The following JMJD1C variants were observed in gnomAD, a reference collection of about 807,000 sequenced individuals.
JMJD1C encodes the protein jumonji domain-containing protein 1C.
Under a neutral mutation model 245.3 loss-of-function variants are expected in JMJD1C, and 31 were observed. The observed-to-expected ratio is 0.13, with a 90% CI of 0.09 to 0.17. The LOEUF is 0.17. Among genes scored for constraint, JMJD1C ranks in the 10% least tolerant of loss-of-function variants. The pLI is 1.00. For synonymous variants in JMJD1C, 1,057 were observed against 1,017.4 expected (o/e 1.04, Z -0.74); for missense variants, 2,691 against 3,000.2 (o/e 0.90, Z 2.41).
intron 1 of JMJD1C, among the ~76,000 whole-genome samples, chr10:63,387,628 A>ATTTTTTTTTTTTTTTT (rs1564863555): frequency 1.6e-4 from 3 of 18,594 alleles, no homozygotes; most frequent in African/African-American, 3.1e-4. Flanking sequence ...AGAAAAAAAA[A>ATTTTTTTTTTTTTTTT]ATTTTTTTTT....
At chr10:63,490,345 A>G (rs964894554) in intron 1 of JMJD1C, among the ~76,000 whole-genome samples, 5 of 151,836 alleles carry the variant, frequency 3.3e-5, no homozygotes, top group Non-Finnish European at 5.9e-5. Flanking sequence ...GTGACTCCTC[A>G]GTTATTCTTT....
At position 63,465,903 on chromosome 10, in the gene JMJD1C, C is replaced by T; in HGVS notation, c.-241G>A. The T allele has an allele frequency of 1.6e-6, 1 of 644,794 alleles. No homozygotes were observed. Among genetic ancestry groups the T allele is most frequent in the Non-Finnish European group, 2.8e-6 (1 of 355,460 alleles). The allele number at this position is 644,794 out of a possible 1,614,324, so 39.9% of individuals were successfully genotyped here. On this transcript the variant is annotated 5_prime_UTR_variant, in exon 1 of 26. Transcript: ENST00000399262. ...TGTGCTGCAGCGCCACACAAGAAAACTGAAACAAAACCCAACGCGGCCGTC... is the reference window on the plus strand; with the variant it reads ...TGTGCTGCAGCGCCACACAAGAAAATTGAAACAAAACCCAACGCGGCCGTC...
intron 8 of JMJD1C, among the ~76,000 whole-genome samples, chr10:63,212,143 G>A (rs757782566): frequency 1.3e-5 from 2 of 152,142 alleles, no homozygotes; most frequent in Non-Finnish European, 2.9e-5. Context: ...AGAAACAGAA[G>A]AAAGGTGGTT....
chr10:63,300,355 A>T (rs1859937437), intron 2 of JMJD1C, among the ~76,000 whole-genome samples: 1 of 152,072 alleles, frequency 6.6e-6, no homozygotes, highest in Non-Finnish European at 1.5e-5. Flanking sequence ...AAGAAAGGGA[A>T]GCTATCTTTG....
At chr10:63,193,592 A>C (rs774192832) in intron 14 of JMJD1C, 120 bp from the exon 15 acceptor site, 1 of 597,120 alleles carries the variant, frequency 1.7e-6, no homozygotes, top group Non-Finnish European at 2.7e-6. Context: ...TGTGCCCTTT[A>C]AATTTCTTCC....
At chr10:63,339,419 G>A (rs1396820493) in intron 2 of JMJD1C, among the ~76,000 whole-genome samples, 1 of 152,074 alleles carries the variant, frequency 6.6e-6, no homozygotes, top group African/African-American at 2.4e-5. Context: ...AAATGGTGGA[G>A]GAATGAACAA....
chr10:63,220,173 T>TA (rs996668700), intron 3 of JMJD1C, among the ~76,000 whole-genome samples, 190 bp from the exon 4 acceptor site: 4 of 152,238 alleles, frequency 2.6e-5, no homozygotes, highest in Admixed American at 2.6e-4. Flanking sequence ...TAATCTGTGG[T>TA]AAGATTTGAC....
intron 1 of JMJD1C, among the ~76,000 whole-genome samples, chr10:63,430,295 TA>T (rs1950671931): frequency 6.6e-6 from 1 of 152,220 alleles, no homozygotes; most frequent in South Asian, 2.1e-4. Flanking sequence ...AATGGTTTCT[TA>T]GATGTGACAC....
intron 2 of JMJD1C, among the ~76,000 whole-genome samples, chr10:63,277,994 A>G (rs1321192240): frequency 6.6e-6 from 1 of 151,904 alleles, no homozygotes; most frequent in African/African-American, 2.4e-5. Context: ...CGACCTCCCA[A>G]AGTGCTGGGA....
chr10:63,222,786 C>T, intron 3 of JMJD1C: 6 of 1,464,882 alleles, frequency 4.1e-6, no homozygotes, highest in South Asian at 2.3e-5. Context: ...GTTTTGAAGT[C>T]AATTCCTAGT....
intron 3 of JMJD1C, among the ~76,000 whole-genome samples, chr10:63,224,108 A>G (rs1053275273): frequency 1.3e-5 from 2 of 152,188 alleles, no homozygotes; most frequent in Non-Finnish European, 2.9e-5. Context: ...ATTAAACAAT[A>G]TACAAATATT....
At chr10:63,342,308 C>T (rs1017295068) in intron 2 of JMJD1C, among the ~76,000 whole-genome samples, 17 of 152,168 alleles carry the variant, frequency 1.1e-4, no homozygotes, top group East Asian at 3.9e-4. Context: ...GATGGGCTTA[C>T]TGAAGGACTA....
chr10:63,309,395 G>T (rs1289304086), intron 2 of JMJD1C, among the ~76,000 whole-genome samples: 1 of 148,804 alleles, frequency 6.7e-6, no homozygotes, highest in Non-Finnish European at 1.5e-5. Context: ...TCAGGAGGCT[G>T]AGGCAGGGGA....
At chr10:63,298,824 C>G (rs1316071730) in intron 2 of JMJD1C, among the ~76,000 whole-genome samples, 1 of 152,162 alleles carries the variant, frequency 6.6e-6, no homozygotes, top group African/African-American at 2.4e-5. Flanking sequence ...CCTCCACCTC[C>G]CGGGTTCAAG....
intron 1 of JMJD1C, among the ~76,000 whole-genome samples, chr10:63,509,208 GTT>G (rs139668353): frequency 1.3e-3 from 201 of 152,324 alleles, no homozygotes; most frequent in African/African-American, 4.5e-3. Flanking sequence ...TCTTTAGCCT[GTT>G]AATGTGCTAG....
At chr10:63,393,339 G>A (rs1396894407) in intron 1 of JMJD1C, among the ~76,000 whole-genome samples, 1 of 152,088 alleles carries the variant, frequency 6.6e-6, no homozygotes, top group African/African-American at 2.4e-5. Flanking sequence ...TAACCACAAC[G>A]AGATCTTACT....
chr10:63,505,641 T>C (rs910389076), intron 1 of JMJD1C, among the ~76,000 whole-genome samples: 1 of 151,962 alleles, frequency 6.6e-6, no homozygotes, highest in South Asian at 2.1e-4. Context: ...AGATTCTGAT[T>C]TAGTTGGTCT....
At chr10:63,425,131 A>G (rs551817370) in intron 1 of JMJD1C, among the ~76,000 whole-genome samples, 49 of 152,350 alleles carry the variant, frequency 3.2e-4, no homozygotes, top group Non-Finnish European at 5.1e-4. Flanking sequence ...GAAAAAAATA[A>G]AAGTGGAAAA....
chr10:63,345,488 C>CAAAAAAA (rs34551660), intron 2 of JMJD1C, among the ~76,000 whole-genome samples: 1 of 100,472 alleles, frequency 1.0e-5, no homozygotes. Flanking sequence ...GACTTTGTCT[C>CAAAAAAA]AAAAAAAAAA....
Sources: gnomAD v4.1 joint callset for allele counts (sites outside exome capture counted in the v4.1 genomes callset) on GRCh38, gnomAD v4.1.1 for gene constraint, MANE v1.5 for transcripts, NCBI Gene and HGNC (gene_info 2026-07-23, HGNC 2026-07-21) for gene names.